Variants in PALS1 observed in about 807,000 individuals in gnomAD.
PALS1 encodes protein associated with LIN7 1, MAGUK p55 family member, also known as protein PALS1.
A neutral mutation model predicts 78.9 loss-of-function variants in PALS1; 31 were observed. The observed-to-expected ratio is 0.39, with a 90% CI of 0.30 to 0.53. The LOEUF is 0.53. Ranked by LOEUF, PALS1 falls within the 20% of genes least tolerant of loss-of-function variation. The pLI, the probability that PALS1 is intolerant of heterozygous loss-of-function variation, is 0.67. For missense variants in PALS1, 704 were observed against 826.5 expected (o/e 0.85, Z 1.82); for synonymous variants, 276 against 270.9 (o/e 1.02, Z -0.18).
chr14:67,267,133 T>G (rs976216336), intron 1 of PALS1, among the ~76,000 whole-genome samples: 8 of 152,098 alleles, frequency 5.3e-5, no homozygotes, highest in African/African-American at 1.4e-4. Flanking sequence ...TAAATAAATA[T>G]AAATTTGGTT....
rs1345902367 is a variant in PALS1, at chr14:67,302,497, G to C, written c.889G>C (p.Glu297Gln). 1.9e-6 allele frequency: 3 copies of C among 1,597,526 alleles called. No homozygotes were observed. Among genetic ancestry groups the C allele is most frequent in the Non-Finnish European group, 2.6e-6 (3 of 1,172,262 alleles). The change falls in exon 7 of 15, where the codon GAA becomes CAA. Residue 297 changes from glutamate (E) to glutamine (Q), a missense_variant. Physicochemically the swap from Glu to Gln is conservative, Grantham distance 29. Coordinates refer to ENST00000261681, the MANE Select transcript of PALS1 (RefSeq NM_022474.4). ...TGCAGAGAAAAGTGGTCTGTTGCAT[G>C]AAGGAGATGAAGTTCTAGAGATTAA... ...GAAEKSGLLHEGDEVLEINGI... is the reference protein window; with the variant it reads ...GAAEKSGLLHQGDEVLEINGI...
intron 1 of PALS1, among the ~76,000 whole-genome samples, chr14:67,242,682 G>A (rs1231701686): frequency 6.6e-6 from 1 of 150,620 alleles, no homozygotes; most frequent in Non-Finnish European, 1.5e-5. Context: ...AGGTTTTATA[G>A]GCTTTCTATT....
At chr14:67,290,226 A>C (rs975553957) in intron 3 of PALS1, among the ~76,000 whole-genome samples, 3 of 152,202 alleles carry the variant, frequency 2.0e-5, no homozygotes, top group African/African-American at 7.2e-5. Context: ...GTAACGAAAA[A>C]AGTGACATAA....
In PALS1 at chr14:67,279,235, A is replaced by G; in HGVS notation, c.65A>G (p.Asp22Gly). ...TCAGACAGCGAAGTAAAAAATGTTG[A>G]TCTTGCATCACCAGAGGAACATCAG... is the stretch of plus-strand genomic sequence containing the variant. ...EESDSEVKNV[D>G]LASPEEHQKH... The change falls in exon 3 of 15, where the codon GAT becomes GGT. Residue 22 changes from aspartate (D) to glycine (G), a missense_variant. Physicochemically the swap from Asp to Gly is moderately conservative, Grantham distance 94 (BLOSUM62 -1). Coordinates refer to ENST00000261681, the MANE Select transcript of PALS1 (RefSeq NM_022474.4). 6.2e-7 allele frequency: 1 copy of G among 1,613,042 alleles called. No homozygotes were observed. Among genetic ancestry groups the G allele is most frequent in the Non-Finnish European group, 8.5e-7 (1 of 1,179,730 alleles).
intron 1 of PALS1, among the ~76,000 whole-genome samples, chr14:67,253,284 A>T (rs548034103): frequency 6.6e-6 from 1 of 152,250 alleles, no homozygotes; most frequent in African/African-American, 2.4e-5. Context: ...TCAATGTTAG[A>T]TAAGAGATAG....
Position 67,284,547 on chromosome 14 carries a change from T to TAAAAAAAAAAAAAAAA in PALS1, c.367+5036_367+5051dup, listed in dbSNP as rs36207191. Among the ~76,000 whole-genome samples, 4 of 23,310 alleles carry TAAAAAAAAAAAAAAAA rather than the reference T, an allele frequency of 1.7e-4. 1 individual carries two copies. The highest frequency in any genetic ancestry group is 1.1e-3 in the East Asian group (1 of 918). The allele number at this position is 23,310 out of a possible 152,430, so 15.3% of individuals were successfully genotyped here. On this transcript the variant is annotated intron_variant, in intron 3 of 14. Coordinates refer to ENST00000261681, the MANE Select transcript of PALS1 (RefSeq NM_022474.4). ...GCCCAGGAGATCGAGGCTGCAGTGC[T>TAAAAAAAAAAAAAAAA]AAAAAAAAAAAAAAAAAAAAAAAAA... is the stretch of plus-strand genomic sequence containing the variant.
chr14:67,248,633 A>G (rs1260318140), intron 1 of PALS1, among the ~76,000 whole-genome samples: 1 of 152,136 alleles, frequency 6.6e-6, no homozygotes, highest in African/African-American at 2.4e-5. Flanking sequence ...TCTTTAAGGC[A>G]GGGGTCAACA....
chr14:67,281,779 A>G (rs2084611790), intron 3 of PALS1, among the ~76,000 whole-genome samples: 3 of 152,028 alleles, frequency 2.0e-5, no homozygotes, highest in South Asian at 2.1e-4. Flanking sequence ...TGTTTTGCCT[A>G]AGCACACAAA....
Position 67,333,989 on chromosome 14 carries a change from T to C in PALS1, c.*1033T>C, listed in dbSNP as rs947747662. The C allele has an allele frequency of 6.6e-6, 1 of 152,638 alleles. No homozygotes were observed. Among genetic ancestry groups the C allele is most frequent in the Non-Finnish European group, 1.5e-5 (1 of 68,012 alleles). 9.5% of individuals were successfully genotyped at this position (152,638 alleles called of 1,614,324 possible). The stretch of plus-strand genomic sequence containing the variant: ...ATATAGCTGCTGTACTGTATATTAA[T>C]ATTTAATAGATCAACAAATGGTCAT... On this transcript the variant is annotated 3_prime_UTR_variant, in exon 15 of 15. Transcript: ENST00000261681.
intron 8 of PALS1, among the ~76,000 whole-genome samples, chr14:67,305,913 C>T (rs1394718136): frequency 6.6e-6 from 1 of 152,152 alleles, no homozygotes; most frequent in Non-Finnish European, 1.5e-5. Context: ...AATGAAGTAG[C>T]TTAAAAAGGA....
At chr14:67,285,361 G>C (rs2140747472) in intron 3 of PALS1, among the ~76,000 whole-genome samples, 1 of 147,498 alleles carries the variant, frequency 6.8e-6, no homozygotes, top group African/African-American at 2.6e-5. Flanking sequence ...AGATTCCTTA[G>C]GTAAATTTTT....
At chr14:67,328,707 T>C (rs1272592320) in intron 14 of PALS1, among the ~76,000 whole-genome samples, 1 of 152,228 alleles carries the variant, frequency 6.6e-6, no homozygotes, top group Non-Finnish European at 1.5e-5. Context: ...GCTAGCCAGT[T>C]TTCCCAGCAC....
chr14:67,276,794 A>G (rs935253118), intron 2 of PALS1, among the ~76,000 whole-genome samples: 1 of 152,208 alleles, frequency 6.6e-6, no homozygotes, highest in African/African-American at 2.4e-5. Context: ...GATAGTAAAT[A>G]GTACAAGCAT....
In PALS1 at chr14:67,327,945, G is replaced by A. The variant is rs145046269; in HGVS notation, c.1851+4133G>A. Among the ~76,000 whole-genome samples the A allele has an allele frequency of 4.6e-5, 7 of 152,296 alleles. No individual in the cohort carries two copies. The South Asian group carries it at 6.2e-4, about 14-fold the overall frequency. On this transcript the variant is annotated intron_variant, in intron 14 of 14. Transcript: ENST00000261681. Reference sequence around the variant, plus strand: ...GTAAATAGTGCTGCAGTCAATGTACGTGTGCATGTGTCTTTATAGCAGCAT... The same window carrying A: ...GTAAATAGTGCTGCAGTCAATGTACATGTGCATGTGTCTTTATAGCAGCAT...
chr14:67,256,642 G>C (rs758438039), intron 1 of PALS1, among the ~76,000 whole-genome samples: 3 of 152,094 alleles, frequency 2.0e-5, no homozygotes, highest in Non-Finnish European at 4.4e-5. Context: ...TAGCCTCCCA[G>C]ATTCAAGTGA....
At chr14:67,293,957 G>A (rs1250786921) in intron 4 of PALS1, among the ~76,000 whole-genome samples, 1 of 152,026 alleles carries the variant, frequency 6.6e-6, no homozygotes, top group Admixed American at 6.6e-5. Context: ...ACAATAGAAA[G>A]GTGGAAAGAA....
chr14:67,248,349 T>G (rs868515165), intron 1 of PALS1, among the ~76,000 whole-genome samples: 1 of 152,038 alleles, frequency 6.6e-6, no homozygotes, highest in Middle Eastern at 3.4e-3. Flanking sequence ...ACAAGATCTC[T>G]TTTCTTAAAA....
In PALS1 at chr14:67,334,611, A is replaced by T. The variant is rs1260785015; in HGVS notation, c.*1655A>T. Reference sequence around the variant, plus strand: ...TTTTCTGTTCAAATTTGCATGGCCTATTAAGTTGGCTGGAGAGTGTTTTAT... The same window carrying T: ...TTTTCTGTTCAAATTTGCATGGCCTTTTAAGTTGGCTGGAGAGTGTTTTAT... On this transcript the variant is annotated 3_prime_UTR_variant, in exon 15 of 15. Coordinates refer to ENST00000261681, the MANE Select transcript of PALS1 (RefSeq NM_022474.4). 1 of 152,562 alleles carries T rather than the reference A, an allele frequency of 6.6e-6. No homozygotes were observed. Among genetic ancestry groups the T allele is most frequent in the African/African-American group, 2.4e-5 (1 of 41,402 alleles). 9.5% of individuals were successfully genotyped at this position (152,562 alleles called of 1,614,324 possible).
chr14:67,311,096 GAGGTC>G (rs2085081838), intron 8 of PALS1, among the ~76,000 whole-genome samples: 1 of 152,168 alleles, frequency 6.6e-6, no homozygotes, highest in African/African-American at 2.4e-5. Context: ...TGGATCACCT[GAGGTC>G]AGGAGTTCAA....
Sources: gnomAD v4.1 joint callset for allele counts (sites outside exome capture counted in the v4.1 genomes callset) on GRCh38, gnomAD v4.1.1 for gene constraint, MANE v1.5 for transcripts, NCBI Gene and HGNC (gene_info 2026-07-23, HGNC 2026-07-21) for gene names.